TRAM1: variants seen among roughly 807,000 people sequenced by gnomAD.
The protein encoded by TRAM1 is translocating chain-associated membrane protein 1.
In TRAM1, 17 loss-of-function variants were observed where a neutral mutation model predicts 48.7. The observed-to-expected ratio is 0.35, with a 90% confidence interval of 0.24 to 0.52. The LOEUF (loss-of-function observed/expected upper bound fraction) is 0.52. Among genes scored for constraint, TRAM1 ranks in the 20% least tolerant of loss-of-function variants. The pLI is 0.94. For synonymous variants in TRAM1, 182 were observed against 154.0 expected, an observed-to-expected ratio of 1.18 and a Z score of -1.34; for missense variants, 351 against 441.5, an observed-to-expected ratio of 0.79 and a Z score of 1.84.
At chr8:70,606,757 T>A (rs1201544694) in intron 1 of TRAM1, 1 of 351,126 alleles carries the variant, frequency 2.8e-6, no homozygotes, top group Non-Finnish European at 4.0e-6. Flanking sequence ...GTAAATAATA[T>A]CTGTATCTAG....
chr8:70,607,913 G>A (rs1190365166), intron 1 of TRAM1, 164 bp downstream of exon 1: 2 of 795,384 alleles, frequency 2.5e-6, no homozygotes, highest in East Asian at 7.0e-5. Flanking sequence ...TGCCGCCGAC[G>A]TGGGGCAGGG....
intron 2 of TRAM1, 75 bp from the exon 3 acceptor site, chr8:70,598,330 T>A: frequency 7.2e-7 from 1 of 1,398,590 alleles, no homozygotes; most frequent in Non-Finnish European, 9.5e-7. Flanking sequence ...ACAACATAGT[T>A]ATGGAAACAA....
intron 6 of TRAM1, among the ~76,000 whole-genome samples, chr8:70,591,008 A>C (rs1369640719): frequency 6.9e-6 from 1 of 145,606 alleles, no homozygotes; most frequent in African/African-American, 2.5e-5. Context: ...CAATAATAAT[A>C]AAAAAAAAAA....
chr8:70,587,529 C>T, intron 6 of TRAM1: 1 of 183,286 alleles, frequency 5.5e-6, no homozygotes, highest in South Asian at 1.5e-4. Flanking sequence ...AGATTTGCTT[C>T]AATCAGATAA....
At chr8:70,586,600 A>G (rs973493033) in intron 8 of TRAM1, among the ~76,000 whole-genome samples, 1 of 152,120 alleles carries the variant, frequency 6.6e-6, no homozygotes. Flanking sequence ...TCACTTCTCT[A>G]TCACTCCTCC....
chr8:70,585,356 A>G (rs915160864), intron 8 of TRAM1, among the ~76,000 whole-genome samples: 10 of 152,160 alleles, frequency 6.6e-5, no homozygotes, highest in Non-Finnish European at 1.2e-4. Flanking sequence ...CATTCAGGAC[A>G]TAGGCATGGG....
rs1816907920 is a variant in TRAM1, at chr8:70,574,722, G to GC, written c.*209dup. 2.4e-6 allele frequency: 1 copy of GC among 409,410 alleles called. No homozygotes were observed. Among genetic ancestry groups the GC allele is most frequent in the Non-Finnish European group, 4.3e-6 (1 of 234,066 alleles). The allele number at this position is 409,410 out of a possible 1,614,324, so 25.4% of individuals were successfully genotyped here. On this transcript the variant is annotated 3_prime_UTR_variant, in exon 11 of 11. Transcript: ENST00000262213. ...TGGTGGTCCCTAAACTATTTTGAAG[G>GC]CAGGTAGCTTAGTCTAAGCTAAAAT... is the stretch of plus-strand genomic sequence containing the variant.
intron 10 of TRAM1, among the ~76,000 whole-genome samples, chr8:70,578,577 G>A (rs1445193371): frequency 6.6e-6 from 1 of 152,246 alleles, no homozygotes; most frequent in East Asian, 1.9e-4. Context: ...AGGCTGCAGT[G>A]AGCCAAGATC....
chr8:70,590,998 CAAT>C lies in TRAM1; in HGVS notation c.570+3505_570+3507del, dbSNP rs528377999. Among the ~76,000 whole-genome samples the C allele has an allele frequency of 9.4e-3, 1,313 of 140,276 alleles. 13 individuals are homozygous for C. The highest frequency in any genetic ancestry group is 0.019 in the Middle Eastern group (5 of 266). The allele number at this position is 140,276 out of a possible 152,430, so 92.0% of individuals were successfully genotyped here. ...CTCTGTATAATGGGGATAACAACAA[CAAT>C]AATAATAAAAAAAAAAAAGAGATGA... On this transcript the variant is annotated intron_variant, in intron 6 of 10. Coordinates refer to ENST00000262213, the MANE Select transcript of TRAM1 (RefSeq NM_014294.6).
chr8:70,588,449 G>T (rs1469043157), intron 6 of TRAM1, among the ~76,000 whole-genome samples: 1 of 152,114 alleles, frequency 6.6e-6, no homozygotes, highest in Admixed American at 6.5e-5. Context: ...AATTAGCCAG[G>T]CATGGTGGCA....
At chr8:70,596,847 T>C (rs1353319261) in intron 4 of TRAM1, among the ~76,000 whole-genome samples, 4 of 147,218 alleles carry the variant, frequency 2.7e-5, no homozygotes, top group Non-Finnish European at 6.0e-5. Flanking sequence ...GATTAAAAAA[T>C]AAATAAAATC....
chr8:70,602,871 T>C (rs147310720), intron 1 of TRAM1, among the ~76,000 whole-genome samples: 1 of 152,268 alleles, frequency 6.6e-6, no homozygotes, highest in African/African-American at 2.4e-5. Flanking sequence ...AAGGGGGCCG[T>C]GGTACCACAA....
At chr8:70,597,838 C>G in intron 4 of TRAM1, 57 bp downstream of exon 4, 1 of 1,295,684 alleles carries the variant, frequency 7.7e-7, no homozygotes, top group South Asian at 1.5e-5. Flanking sequence ...ATTTCATTAG[C>G]AGAGTTTCTA....
chr8:70,593,715 A>G (rs111538048), intron 6 of TRAM1, among the ~76,000 whole-genome samples: 7 of 152,238 alleles, frequency 4.6e-5, no homozygotes, highest in African/African-American at 1.7e-4. Flanking sequence ...ACTAGAGACT[A>G]TCAGTGTGCA....
Position 70,583,757 on chromosome 8 carries a change from T to G in TRAM1, c.783A>C (p.Arg261Ser). The G allele has an allele frequency of 6.3e-7, 1 of 1,580,992 alleles. No individual in the cohort carries two copies. Among genetic ancestry groups the G allele is most frequent in the Non-Finnish European group, 8.6e-7 (1 of 1,168,282 alleles). Residue 261 changes from arginine (R) to serine (S), a missense_variant, in exon 9 of 11, where the codon AGA becomes AGC. Coordinates refer to ENST00000262213, the MANE Select transcript of TRAM1 (RefSeq NM_014294.6). ...GTACTGAAAGAATTAAAGTCAGAAG[T>G]CTTCCCAAAACAAAAAGAACTGCCC... Reference protein sequence around the residue: ...SLWAVLFVLGRLLTLILSVLT... With the variant: ...SLWAVLFVLGSLLTLILSVLT...
Position 70,574,093 on chromosome 8 carries a change from G to A in TRAM1, c.*839C>T, listed in dbSNP as rs1816886677. 1 of 250,542 alleles carries A rather than the reference G, an allele frequency of 4.0e-6. No homozygotes were observed. Among genetic ancestry groups the A allele is most frequent in the Non-Finnish European group, 8.0e-6 (1 of 124,468 alleles). The allele number at this position is 250,542 out of a possible 1,614,324, so 15.5% of individuals were successfully genotyped here. A position where few individuals can be genotyped will look rare whatever the true frequency, so the allele number is the denominator to read the frequency against. On this transcript the variant is annotated 3_prime_UTR_variant, in exon 11 of 11. Coordinates refer to ENST00000262213, the MANE Select transcript of TRAM1 (RefSeq NM_014294.6). The stretch of plus-strand genomic sequence containing the variant: ...TAGGCATTATGTTTTAAAAGTGTTT[G>A]CAGGTTAAACTTTTCTAAGATGCTG...
intron 1 of TRAM1, among the ~76,000 whole-genome samples, chr8:70,605,837 T>C (rs1407976811): frequency 6.6e-6 from 1 of 152,212 alleles, no homozygotes; most frequent in Non-Finnish European, 1.5e-5. Flanking sequence ...TAAATTTATA[T>C]AAAGGTGAAA....
chr8:70,592,447 A>G (rs963184429), intron 6 of TRAM1, among the ~76,000 whole-genome samples: 4 of 152,220 alleles, frequency 2.6e-5, no homozygotes, highest in Non-Finnish European at 1.5e-5. Context: ...AATTATGTTA[A>G]TTACTTGAAA....
intron 5 of TRAM1, 44 bp from the exon 6 acceptor site, chr8:70,594,634 T>A: frequency 6.8e-7 from 1 of 1,479,820 alleles, no homozygotes; most frequent in Non-Finnish European, 9.1e-7. Context: ...AAAGCATAAT[T>A]TTTTTAAAAA....
Sources: allele counts gnomAD v4.1 joint callset (sites outside exome capture counted in the v4.1 genomes callset), GRCh38; gene constraint gnomAD v4.1.1; transcripts MANE v1.5; gene names NCBI Gene and HGNC (gene_info 2026-07-23, HGNC 2026-07-21).